ANKH: variants seen among roughly 807,000 people sequenced by gnomAD.
The protein encoded by ANKH is ANKH inorganic pyrophosphate transport regulator.
A neutral mutation model predicts 49.0 loss-of-function variants in ANKH; 15 were observed. The ratio of observed to expected loss-of-function variants is 0.31; its 90% confidence interval spans 0.20 to 0.47. The LOEUF (loss-of-function observed/expected upper bound fraction) is 0.47, where lower values mean the gene tolerates loss of function less well. ANKH is among the 20% of genes least tolerant of loss of function. The pLI is 1.00. For synonymous variants in ANKH, 273 were observed against 260.0 expected, an observed-to-expected ratio of 1.05 and a Z score of -0.48; for missense variants, 429 against 652.0, an observed-to-expected ratio of 0.66 and a Z score of 3.72.
intron 1 of ANKH, among the ~76,000 whole-genome samples, chr5:14,816,068 G>GA (rs560855219): frequency 9.2e-5 from 14 of 152,306 alleles, no homozygotes; most frequent in Admixed American, 7.8e-4. Context: ...GGGATAAGCT[G>GA]AAAAATAAGT....
At chr5:14,847,093 A>G (rs548838770) in intron 1 of ANKH, among the ~76,000 whole-genome samples, 2 of 152,044 alleles carry the variant, frequency 1.3e-5, no homozygotes, top group South Asian at 4.2e-4. Context: ...AGGGTGCTGC[A>G]TCAAAGGCAA....
intron 1 of ANKH, among the ~76,000 whole-genome samples, chr5:14,782,820 C>A (rs1013189580): frequency 6.6e-6 from 1 of 152,158 alleles, no homozygotes; most frequent in African/African-American, 2.4e-5. Flanking sequence ...AAATCCAGCA[C>A]CACGCAGGCC....
intron 1 of ANKH, among the ~76,000 whole-genome samples, chr5:14,809,359 A>AAAG (rs1740810535): frequency 4.2e-5 from 6 of 141,464 alleles, no homozygotes; most frequent in Admixed American, 1.4e-4. Context: ...AAAAAAAAAG[A>AAAG]AAAAAAAAGA....
chr5:14,871,575 C>A lies in ANKH; in HGVS notation c.-128G>T. ...ACAGAGGCCGCGGGCGGCGGGGCCT[C>A]GGGCGCGGCGGCGGCGGCTCCTCCT... On this transcript the variant is annotated 5_prime_UTR_variant, in exon 1 of 12. Coordinates refer to ENST00000284268, the MANE Select transcript of ANKH (RefSeq NM_054027.6). 2 of 380,010 alleles carry A rather than the reference C, an allele frequency of 5.3e-6. No homozygotes were observed. The highest frequency in any genetic ancestry group is 7.5e-6 in the Non-Finnish European group (2 of 265,462). The allele number at this position is 380,010 out of a possible 1,614,324, so 23.5% of individuals were successfully genotyped here.
chr5:14,705,906 G>C lies in ANKH; in HGVS notation c.*5291C>G, dbSNP rs573895015. The stretch of plus-strand genomic sequence containing the variant: ...CACTTCAGGGAACCAGCATCTACCC[G>C]GTTGTAATGTTCCCCTAATGTTCCC... On this transcript the variant is annotated 3_prime_UTR_variant, in exon 12 of 12. Transcript: ENST00000284268. 7 of 151,752 alleles carry C rather than the reference G, an allele frequency of 4.6e-5. No homozygotes were observed. Among genetic ancestry groups the C allele is most frequent in the East Asian group, 1.9e-4 (1 of 5,152 alleles). The allele number at this position is 151,752 out of a possible 1,614,324, so 9.4% of individuals were successfully genotyped here.
In ANKH at chr5:14,708,753, C is replaced by G. The variant is rs1737044860; in HGVS notation, c.*2444G>C. The G allele has an allele frequency of 6.6e-6, 1 of 152,214 alleles. No individual in the cohort carries two copies. Among genetic ancestry groups the G allele is most frequent in the African/African-American group, 2.4e-5 (1 of 41,450 alleles). 9.4% of individuals were successfully genotyped at this position (152,214 alleles called of 1,614,324 possible). Reference sequence around the variant, plus strand: ...CTCCATTGTGGTGGCCTGAGTGTGGCATTGCTTCCTGTGTTCTCAGAAACT... The same window carrying G: ...CTCCATTGTGGTGGCCTGAGTGTGGGATTGCTTCCTGTGTTCTCAGAAACT... On this transcript the variant is annotated 3_prime_UTR_variant, in exon 12 of 12. Coordinates refer to ENST00000284268, the MANE Select transcript of ANKH (RefSeq NM_054027.6).
At chr5:14,833,993 C>CT (rs1741584226) in intron 1 of ANKH, among the ~76,000 whole-genome samples, 1 of 152,174 alleles carries the variant, frequency 6.6e-6, no homozygotes, top group African/African-American at 2.4e-5. Context: ...TCGTGCTGAC[C>CT]TGCATTCACC....
chr5:14,759,316 C>T (rs1221407799), intron 2 of ANKH, among the ~76,000 whole-genome samples: 1 of 152,140 alleles, frequency 6.6e-6, no homozygotes, highest in Non-Finnish European at 1.5e-5. Context: ...TGAATGAATG[C>T]ATATGTGTCA....
intron 1 of ANKH, chr5:14,868,890 C>G (rs1735736701): frequency 6.6e-6 from 1 of 152,138 alleles, no homozygotes; most frequent in Non-Finnish European, 1.5e-5. Flanking sequence ...CCCAGCCTAA[C>G]TTTGCATTTC....
At chr5:14,780,324 C>G (rs1245755274) in intron 1 of ANKH, among the ~76,000 whole-genome samples, 1 of 152,176 alleles carries the variant, frequency 6.6e-6, no homozygotes, top group Non-Finnish European at 1.5e-5. Context: ...GGGTGGATTA[C>G]CTGAGGTCAG....
At chr5:14,751,981 G>A (rs1196132893) in intron 4 of ANKH, among the ~76,000 whole-genome samples, 3 of 152,176 alleles carry the variant, frequency 2.0e-5, no homozygotes, top group East Asian at 3.9e-4. Context: ...AACATATACA[G>A]GAAAATAGAC....
chr5:14,800,410 C>T (rs1407533556), intron 1 of ANKH, among the ~76,000 whole-genome samples: 3 of 152,198 alleles, frequency 2.0e-5, no homozygotes, highest in Non-Finnish European at 4.4e-5. Flanking sequence ...TATCAAACAG[C>T]ATTTCATGCT....
At chr5:14,827,303 G>A (rs1428739709) in intron 1 of ANKH, among the ~76,000 whole-genome samples, 1 of 152,182 alleles carries the variant, frequency 6.6e-6, no homozygotes, top group Non-Finnish European at 1.5e-5. Context: ...ATTTCTTACA[G>A]CTGAGGAAGG....
At chr5:14,765,976 A>G (rs901220977) in intron 2 of ANKH, among the ~76,000 whole-genome samples, 2 of 152,226 alleles carry the variant, frequency 1.3e-5, no homozygotes, top group Non-Finnish European at 2.9e-5. Context: ...ACTGGGGGAA[A>G]AAAGTCTAAG....
In ANKH at chr5:14,746,043, C is replaced by A. The variant is rs576015590; in HGVS notation, c.823-81G>T. On this transcript the variant is annotated intron_variant, in intron 6 of 11. Coordinates refer to ENST00000284268, the MANE Select transcript of ANKH (RefSeq NM_054027.6). ...AGCTACAGTAGGTGACGAAGCACGCCGACTCAGGTGCAGCCACTGAGGACA... is the reference window on the plus strand; with the variant it reads ...AGCTACAGTAGGTGACGAAGCACGCAGACTCAGGTGCAGCCACTGAGGACA... 4 of 1,128,960 alleles carry A rather than the reference C, an allele frequency of 3.5e-6. No homozygotes were observed. The Admixed American group carries it at 7.2e-5, about 20-fold the overall frequency. 69.9% of individuals were successfully genotyped at this position (1,128,960 alleles called of 1,614,324 possible). A position where few individuals can be genotyped will look rare whatever the true frequency, so the allele number is the denominator to read the frequency against.
intron 11 of ANKH, among the ~76,000 whole-genome samples, chr5:14,712,128 A>ATCTC (rs1737238823): frequency 6.6e-6 from 1 of 152,002 alleles, no homozygotes; most frequent in African/African-American, 2.4e-5. Context: ...TGAGGTTCAG[A>ATCTC]TCTCTACCAT....
At chr5:14,799,204 G>A (rs1740488758) in intron 1 of ANKH, among the ~76,000 whole-genome samples, 1 of 152,230 alleles carries the variant, frequency 6.6e-6, no homozygotes, top group East Asian at 1.9e-4. Flanking sequence ...AATGCTGGGA[G>A]AGGTAAGGAA....
At chr5:14,776,328 G>A (rs558177498) in intron 1 of ANKH, among the ~76,000 whole-genome samples, 1 of 152,312 alleles carries the variant, frequency 6.6e-6, no homozygotes, top group Non-Finnish European at 1.5e-5. Flanking sequence ...AGTTGTATGA[G>A]AGAGTCAGCT....
At chr5:14,808,540 G>C (rs376474439) in intron 1 of ANKH, among the ~76,000 whole-genome samples, 2 of 152,174 alleles carry the variant, frequency 1.3e-5, no homozygotes, top group African/African-American at 4.8e-5. Context: ...TGAGGCAGGT[G>C]GATCACTTGA....
Sources: gnomAD v4.1 joint callset for allele counts (sites outside exome capture counted in the v4.1 genomes callset) on GRCh38, gnomAD v4.1.1 for gene constraint, MANE v1.5 for transcripts, NCBI Gene and HGNC (gene_info 2026-07-23, HGNC 2026-07-21) for gene names.